TEX15: variants seen among roughly 807,000 people sequenced by gnomAD.
TEX15 encodes testis-expressed protein 15.
Under a neutral mutation model 237.3 loss-of-function variants are expected in TEX15, and 171 were observed. The ratio of observed to expected loss-of-function variants is 0.72; its 90% confidence interval spans 0.64 to 0.82. TEX15 has a LOEUF of 0.82. Ranked by LOEUF, TEX15 falls within the 40% of genes least tolerant of loss-of-function variation. The probability of loss-of-function intolerance (pLI) is 0.00; values close to 1 mark genes in which losing one functional copy is unlikely to be tolerated. For missense variants in TEX15, 3,750 were observed against 3,646.5 expected (o/e 1.03, Z -0.73); for synonymous variants, 1,338 against 1,269.8 (o/e 1.05, Z -1.14).
intron 4 of TEX15, among the ~76,000 whole-genome samples, chr8:30,871,964 C>A (rs1808300595): frequency 6.6e-6 from 1 of 152,140 alleles, no homozygotes; most frequent in Non-Finnish European, 1.5e-5. Context: ...TCAGTATTAA[C>A]TTGTCCTTAG....
rs1255093801 is a variant in TEX15, at chr8:30,882,265, G to T, written c.136+4902C>A. Among the ~76,000 whole-genome samples the T allele has an allele frequency of 3.3e-5, 5 of 152,186 alleles. No individual in the cohort carries two copies. The East Asian group carries it at 9.7e-4, about 29-fold the overall frequency. ...ACTTTTCTGTTTGCATGTTGTCAGAGAACATATTCTGTATGATTTCAATTT... is the reference window on the plus strand; with the variant it reads ...ACTTTTCTGTTTGCATGTTGTCAGATAACATATTCTGTATGATTTCAATTT... On this transcript the variant is annotated intron_variant, in intron 3 of 10. Coordinates refer to ENST00000643185, the MANE Select transcript of TEX15 (RefSeq NM_001350162.2).
chr8:30,858,605 A>T, intron 7 of TEX15, 63 bp downstream of exon 7: 1 of 1,358,754 alleles, frequency 7.4e-7, no homozygotes, highest in Non-Finnish European at 9.8e-7. Flanking sequence ...GCCAGTAAAT[A>T]ATACTGAGAA....
chr8:30,894,720 A>T (rs967195855), intron 2 of TEX15, among the ~76,000 whole-genome samples: 3 of 152,258 alleles, frequency 2.0e-5, no homozygotes, highest in Admixed American at 6.5e-5. Flanking sequence ...CAAATGGGTC[A>T]AAGATTAAAG....
At chr8:30,866,745 G>A (rs1238365828) in intron 5 of TEX15, among the ~76,000 whole-genome samples, 1 of 148,868 alleles carries the variant, frequency 6.7e-6, no homozygotes, top group East Asian at 2.0e-4. Context: ...ACACACACAC[G>A]CATGCACAAA....
At chr8:30,839,365 A>T (rs1330109248) in intron 9 of TEX15, among the ~76,000 whole-genome samples, 2 of 152,154 alleles carry the variant, frequency 1.3e-5, no homozygotes, top group African/African-American at 4.8e-5. Flanking sequence ...ATGGGAATTG[A>T]TGACTATGTA....
chr8:30,909,394 A>C (rs868204388), intron 1 of TEX15, among the ~76,000 whole-genome samples: 1,420 of 117,962 alleles, frequency 0.012, no homozygotes, highest in African/African-American at 0.022. Context: ...TTAAAGACAG[A>C]CCCCCCCCCG....
At chr8:30,870,664 A>G (rs323372) in intron 4 of TEX15, among the ~76,000 whole-genome samples, 35,540 of 151,864 alleles carry the variant, frequency 0.23, 6,132 homozygotes, top group African/African-American at 0.47. Flanking sequence ...CAGCTGGCCC[A>G]AAGTGCAATA....
chr8:30,875,151 G>T, intron 3 of TEX15, 49 bp from the exon 4 acceptor site: 3 of 1,137,254 alleles, frequency 2.6e-6, no homozygotes, highest in Non-Finnish European at 2.2e-6. Flanking sequence ...GACATTATTG[G>T]ACATCTGTAC....
intron 5 of TEX15, among the ~76,000 whole-genome samples, chr8:30,861,961 C>A (rs1239135188): frequency 1.3e-5 from 2 of 151,944 alleles, no homozygotes; most frequent in Admixed American, 1.3e-4. Flanking sequence ...AAAAATTAAA[C>A]CACACATTAG....
intron 3 of TEX15, among the ~76,000 whole-genome samples, chr8:30,881,342 C>G (rs1345538489): frequency 2.0e-5 from 3 of 152,064 alleles, no homozygotes; most frequent in Non-Finnish European, 4.4e-5. Flanking sequence ...GTGAAACCAT[C>G]TGGGCCTTAA....
intron 2 of TEX15, among the ~76,000 whole-genome samples, chr8:30,896,291 T>C (rs1343424763): frequency 2.0e-5 from 3 of 152,226 alleles, no homozygotes; most frequent in Non-Finnish European, 4.4e-5. Context: ...AGTAGTTTTA[T>C]CACGCTTTTA....
In TEX15 at chr8:30,908,611, C is replaced by A. The variant is rs182179926; in HGVS notation, c.-86+4268G>T. ...CATCCGGAAAAGAGGTTACAAGGTA[C>A]AATAATTGTGGACTAACAGAAGAAG... On this transcript the variant is annotated intron_variant, in intron 1 of 10. Coordinates refer to ENST00000643185, the MANE Select transcript of TEX15 (RefSeq NM_001350162.2). Among the ~76,000 whole-genome samples the A allele has an allele frequency of 5.3e-5, 8 of 152,208 alleles. No homozygotes were observed. In the East Asian group the frequency reaches 1.5e-3, roughly 29 times the overall value.
At position 30,842,099 on chromosome 8, in the gene TEX15, T is replaced by C; in HGVS notation, c.8068A>G (p.Asn2690Asp). 2 of 1,613,726 alleles carry C rather than the reference T, an allele frequency of 1.2e-6. No homozygotes were observed. Among genetic ancestry groups the C allele is most frequent in the Non-Finnish European group, 1.7e-6 (2 of 1,179,826 alleles). Residue 2690 changes from asparagine to aspartate, a missense_variant, in exon 8 of 11, where the codon AAT (asparagine) becomes GAT (aspartate). Coordinates refer to ENST00000643185, the MANE Select transcript of TEX15 (RefSeq NM_001350162.2). ...GTGCTCGGTCGTTTTTTAGAGGAAT[T>C]TGAGATGTTTTTGTTTATGCACTCT... The part of the protein sequence containing the change: ...VSECINKNIS[N>D]SSKKRPSTVD...
Position 30,847,567 on chromosome 8 carries a change from G to C in TEX15, c.2600C>G (p.Ala867Gly), listed in dbSNP as rs1191446054. The change falls in exon 8 of 11, where the codon GCT becomes GGT. Residue 867 changes from alanine to glycine, a missense_variant. Physicochemically the swap from Ala to Gly is moderately conservative, Grantham distance 60 (BLOSUM62 0). Transcript: ENST00000643185. Reference protein sequence around the residue: ...KQTDRENQNEAKENSASCVEN... With the variant: ...KQTDRENQNEGKENSASCVEN... ...TACACATGAAGCACTATTCTCTTTA[G>C]CCTCATTTTGGTTTTCTCTATCTGT... The C allele has an allele frequency of 1.2e-6, 2 of 1,612,558 alleles. No homozygotes were observed. The highest frequency in any genetic ancestry group is 1.7e-6 in the Non-Finnish European group (2 of 1,179,750).
chr8:30,879,781 A>T (rs1022393453), intron 3 of TEX15, among the ~76,000 whole-genome samples: 1 of 152,198 alleles, frequency 6.6e-6, no homozygotes. Flanking sequence ...TAAGTGTCAG[A>T]ATAAGCTTGC....
chr8:30,866,855 T>C (rs191303460), intron 5 of TEX15, among the ~76,000 whole-genome samples: 469 of 152,144 alleles, frequency 3.1e-3, no homozygotes, highest in Middle Eastern at 6.8e-3. Flanking sequence ...TTAACATTGA[T>C]ACAATACTAT....
chr8:30,837,711 G>A lies in TEX15; in HGVS notation c.8573C>T (p.Thr2858Met), dbSNP rs934634326. The stretch of plus-strand genomic sequence containing the variant: ...ATTTTTAAGAAATTTCTGCAAAAGC[G>A]TCCCATGGTCTGGTGAAAATGTGCC... The part of the protein sequence containing the change: ...VHGTFSPDHG[T>M]LLQKFLKNSP... The change falls in exon 10 of 11, where the codon ACG becomes ATG. Residue 2858 changes from threonine to methionine, a missense_variant. Physicochemically the swap from Thr to Met is moderately conservative, Grantham distance 81. Transcript: ENST00000643185. The A allele has an allele frequency of 6.2e-7, 1 of 1,613,914 alleles. No homozygotes were observed. The highest frequency in any genetic ancestry group is 1.3e-5 in the African/African-American group (1 of 74,912).
chr8:30,903,736 A>G (rs1489898097), intron 1 of TEX15, among the ~76,000 whole-genome samples: 3 of 152,230 alleles, frequency 2.0e-5, no homozygotes, highest in Non-Finnish European at 4.4e-5. Context: ...CTGATAGCGA[A>G]AAACTGAGAA....
intron 4 of TEX15, 64 bp downstream of exon 4, chr8:30,874,873 G>C (rs1306972941): frequency 6.2e-6 from 6 of 968,502 alleles, no homozygotes; most frequent in Non-Finnish European, 8.1e-6. Flanking sequence ...AAATGAATTA[G>C]CATAAAACTC....
Sources: allele counts gnomAD v4.1 joint callset (sites outside exome capture counted in the v4.1 genomes callset), GRCh38; gene constraint gnomAD v4.1.1; transcripts MANE v1.5; gene names NCBI Gene and HGNC (gene_info 2026-07-23, HGNC 2026-07-21).